MCPH1: variants seen among roughly 807,000 people sequenced by gnomAD.
MCPH1 encodes microcephalin.
MCPH1 carries 104 observed loss-of-function variants against 84.5 expected under a neutral mutation model. The ratio of observed to expected loss-of-function variants is 1.23; its 90% confidence interval spans 1.05 to 1.45. The LOEUF is 1.45. Ranked by LOEUF, MCPH1 falls within the 40% of genes most tolerant of loss-of-function variation. The pLI, the probability that MCPH1 is intolerant of heterozygous loss-of-function variation, is 0.00. For synonymous variants in MCPH1, 514 were observed against 366.8 expected (o/e 1.40, Z -4.58); for missense variants, 1,498 against 1,005.7 (o/e 1.49, Z -6.62).
intron 11 of MCPH1, among the ~76,000 whole-genome samples, chr8:6,481,971 G>A (rs966896791): frequency 1.3e-5 from 2 of 152,208 alleles, no homozygotes; most frequent in African/African-American, 2.4e-5. Flanking sequence ...TGACTAGCAT[G>A]AAGAAATCTC....
chr8:6,562,472 G>A (rs752312067), intron 12 of MCPH1, among the ~76,000 whole-genome samples: 2 of 147,714 alleles, frequency 1.4e-5, no homozygotes, highest in Non-Finnish European at 3.0e-5. Flanking sequence ...CACACACCCT[G>A]GGATAGAATA....
At chr8:6,444,156 T>TA (rs1177870801) in intron 7 of MCPH1, among the ~76,000 whole-genome samples, 5 of 152,178 alleles carry the variant, frequency 3.3e-5, no homozygotes, top group Non-Finnish European at 4.4e-5. Flanking sequence ...AGAAGTTTGT[T>TA]ACACCTCTTC....
chr8:6,543,261 C>G (rs773023762), intron 12 of MCPH1, among the ~76,000 whole-genome samples: 3 of 152,172 alleles, frequency 2.0e-5, no homozygotes, highest in Non-Finnish European at 4.4e-5. Context: ...GGAACACAAG[C>G]CATCTTCTGT....
rs192164232 is a variant in MCPH1 at position 6,504,283 on chromosome 8, A to G, written c.2214+4354A>G. Among the ~76,000 whole-genome samples the G allele has an allele frequency of 9.4e-3, 1,277 of 136,126 alleles. 20 individuals are homozygous for G. Among genetic ancestry groups the G allele is most frequent in the African/African-American group, 0.032 (1,145 of 35,724 alleles). 89.3% of individuals were successfully genotyped at this position (136,126 alleles called of 152,430 possible). A position where few individuals can be genotyped will look rare whatever the true frequency, so the allele number is the denominator to read the frequency against. ...CAGTGAGCCGAGATCGCGCCACTGCACTCCAGCCTGGGCGACAGAGTGAGA... is the reference window on the plus strand; with the variant it reads ...CAGTGAGCCGAGATCGCGCCACTGCGCTCCAGCCTGGGCGACAGAGTGAGA... On this transcript the variant is annotated intron_variant, in intron 12 of 13. Coordinates refer to ENST00000344683, the MANE Select transcript of MCPH1 (RefSeq NM_024596.5).
In MCPH1 at chr8:6,436,055, G is replaced by A. The variant is rs368136293; in HGVS notation, c.329G>A (p.Cys110Tyr). Residue 110 changes from cysteine to tyrosine, a missense_variant, in exon 5 of 14, where the codon TGT becomes TAT. Transcript: ENST00000344683. ...TGTGTTCTTTTTGCACAGCGTAAAT[G>A]TATGCAGCCCAAAGATTTTAATTTT... ...LSSLIKKKRK[C>Y]MQPKDFNFKT... 3.1e-6 allele frequency: 5 copies of A among 1,613,430 alleles called. No individual in the cohort carries two copies. Among genetic ancestry groups the A allele is most frequent in the Admixed American group, 1.7e-5 (1 of 59,970 alleles).
chr8:6,614,364 C>A (rs2129579732), intron 12 of MCPH1, among the ~76,000 whole-genome samples: 1 of 152,326 alleles, frequency 6.6e-6, no homozygotes, highest in African/African-American at 2.4e-5. Context: ...TAGCTTTCCG[C>A]TGCCAGGCTG....
At chr8:6,511,445 A>G (rs1345397484) in intron 12 of MCPH1, among the ~76,000 whole-genome samples, 1 of 152,224 alleles carries the variant, frequency 6.6e-6, no homozygotes, top group East Asian at 1.9e-4. Flanking sequence ...TAATGTACGC[A>G]TAGCTTTTAG....
chr8:6,508,987 T>G (rs1218417767), intron 12 of MCPH1: 1 of 1,614,074 alleles, frequency 6.2e-7, no homozygotes, highest in Non-Finnish European at 8.5e-7. Context: ...CTCCATCCTT[T>G]GTGCTAAAAT....
chr8:6,626,931 A>G lies in MCPH1; in HGVS notation c.2452+5240A>G, dbSNP rs1014628165. 6.7e-5 allele frequency: 66 copies of G among 985,114 alleles called. No homozygotes were observed. The African/African-American group carries it at 1.1e-3, about 16-fold the overall frequency. 61.0% of individuals were successfully genotyped at this position (985,114 alleles called of 1,614,324 possible). A position where few individuals can be genotyped will look rare whatever the true frequency, so the allele number is the denominator to read the frequency against. On this transcript the variant is annotated intron_variant, in intron 13 of 13. Coordinates refer to ENST00000344683, the MANE Select transcript of MCPH1 (RefSeq NM_024596.5). ...GTCTGGGCTCCATTCAAGTGATAAG[A>G]CATACATTTATGCTATTGTGGGAAC...
chr8:6,630,708 G>A (rs1381558494), intron 13 of MCPH1, among the ~76,000 whole-genome samples: 2 of 151,230 alleles, frequency 1.3e-5, no homozygotes, highest in Non-Finnish European at 2.9e-5. Context: ...TTGAACCTGG[G>A]AGGTGGAGGT....
chr8:6,522,182 C>T (rs911798115), intron 12 of MCPH1, among the ~76,000 whole-genome samples: 5 of 151,834 alleles, frequency 3.3e-5, no homozygotes, highest in South Asian at 2.1e-4. Context: ...GGTGAAACCC[C>T]GTCTCCACTA....
intron 12 of MCPH1, among the ~76,000 whole-genome samples, chr8:6,584,736 C>T (rs1827835753): frequency 6.6e-6 from 1 of 152,188 alleles, no homozygotes; most frequent in Non-Finnish European, 1.5e-5. Context: ...ATGGGCCTGT[C>T]CTCCTTGCTT....
At position 6,505,263 on chromosome 8, in the gene MCPH1, T is replaced by TATATAC. The variant is rs1563305315; in HGVS notation, c.2214+5339_2214+5340insCATATA. On this transcript the variant is annotated intron_variant, in intron 12 of 13. Transcript: ENST00000344683. Reference sequence around the variant, plus strand: ...GAATATATATTCTTTATATATGTTTTATATATATGTATACATATATATGTT... The same window carrying TATATAC: ...GAATATATATTCTTTATATATGTTTTATATACATATATATGTATACATATATATGTT... Among the ~76,000 whole-genome samples, 3 of 78,028 alleles carry TATATAC rather than the reference T, an allele frequency of 3.8e-5. 1 individual carries two copies. Among genetic ancestry groups the TATATAC allele is most frequent in the African/African-American group, 1.4e-4 (3 of 21,680 alleles). 51.2% of individuals were successfully genotyped at this position (78,028 alleles called of 152,430 possible).
At chr8:6,638,854 C>T (rs1797740984) in intron 13 of MCPH1, among the ~76,000 whole-genome samples, 1 of 152,122 alleles carries the variant, frequency 6.6e-6, no homozygotes. Context: ...TGAGGGGCTC[C>T]CTGGACATGA....
chr8:6,473,439 C>T lies in MCPH1; in HGVS notation c.1936-4155C>T, dbSNP rs186629919. ...TCCGTCTCCCCAGGTTCACGCCATT[C>T]TCCTGCCTCGGCCTCCCAAGTAGCT... is the stretch of plus-strand genomic sequence containing the variant. On this transcript the variant is annotated intron_variant, in intron 9 of 13. Transcript: ENST00000344683. Among the ~76,000 whole-genome samples the T allele has an allele frequency of 2.2e-3, 327 of 147,992 alleles. 4 individuals are homozygous for T. Among genetic ancestry groups the T allele is most frequent in the African/African-American group, 8.0e-3 (316 of 39,720 alleles).
intron 12 of MCPH1, among the ~76,000 whole-genome samples, chr8:6,546,197 C>A (rs1229636332): frequency 6.6e-6 from 1 of 152,232 alleles, no homozygotes; most frequent in East Asian, 1.9e-4. Context: ...AACTGTGTGC[C>A]AAGGCACCCT....
At chr8:6,589,774 C>A (rs962571971) in intron 12 of MCPH1, among the ~76,000 whole-genome samples, 1 of 152,138 alleles carries the variant, frequency 6.6e-6, no homozygotes, top group Admixed American at 6.5e-5. Context: ...TTGCCAAAGA[C>A]CTGTTGATTT....
At chr8:6,557,353 CG>C in intron 12 of MCPH1, among the ~76,000 whole-genome samples, 1 of 152,170 alleles carries the variant, frequency 6.6e-6, no homozygotes, top group Middle Eastern at 3.4e-3. Flanking sequence ...GAGATATTCT[CG>C]GGGCAAAATG....
At chr8:6,562,253 G>A (rs2129575868) in intron 12 of MCPH1, among the ~76,000 whole-genome samples, 1 of 152,258 alleles carries the variant, frequency 6.6e-6, no homozygotes, top group Non-Finnish European at 1.5e-5. Context: ...GCGGCTCACA[G>A]CCTTCCCTCA....
Sources: gnomAD v4.1 joint callset for allele counts (sites outside exome capture counted in the v4.1 genomes callset) on GRCh38, gnomAD v4.1.1 for gene constraint, MANE v1.5 for transcripts, NCBI Gene and HGNC (gene_info 2026-07-23, HGNC 2026-07-21) for gene names.